Variants in XKR6 observed in about 807,000 individuals in gnomAD.
The protein encoded by XKR6 is XK related 6.
Under a neutral mutation model 56.7 loss-of-function variants are expected in XKR6, and 22 were observed. That is an observed-to-expected ratio of 0.39 (90% CI 0.28 to 0.55). XKR6 has a LOEUF of 0.55. Among genes scored for constraint, XKR6 ranks in the 20% least tolerant of loss-of-function variants. The probability of loss-of-function intolerance (pLI) is 0.66; values close to 1 mark genes in which losing one functional copy is unlikely to be tolerated. For missense variants in XKR6, 852 were observed against 889.0 expected (o/e 0.96, Z 0.53); for synonymous variants, 524 against 387.8 (o/e 1.35, Z -4.13).
chr8:10,924,662 G>A lies in XKR6; in HGVS notation c.933C>T (p.Leu311=), dbSNP rs982562203. 5 of 1,611,050 alleles carry A rather than the reference G, an allele frequency of 3.1e-6. No individual in the cohort carries two copies. Among genetic ancestry groups the A allele is most frequent in the Non-Finnish European group, 4.2e-6 (5 of 1,178,626 alleles). ...PQLVLQLYIM[L]QKNSAETLPC... is the part of the protein sequence containing the mutation. Reference sequence around the variant, plus strand: ...GCAGGGTCTCGGCGCTGTTCTTCTGGAGCATGATGTAGAGCTGTAGCACCA... The same window carrying A: ...GCAGGGTCTCGGCGCTGTTCTTCTGAAGCATGATGTAGAGCTGTAGCACCA... The change falls in exon 2 of 3, where the codon CTC becomes CTT. Residue 311 remains leucine (L), a synonymous_variant. Coordinates refer to ENST00000416569, the MANE Select transcript of XKR6 (RefSeq NM_173683.4).
At chr8:11,148,324 C>CA (rs1801096578) in intron 1 of XKR6, among the ~76,000 whole-genome samples, 1 of 152,174 alleles carries the variant, frequency 6.6e-6, no homozygotes, top group Non-Finnish European at 1.5e-5. Flanking sequence ...CAGAAAGTGA[C>CA]ACGGGATGTG....
chr8:11,110,863 G>A (rs960043567), intron 1 of XKR6, among the ~76,000 whole-genome samples: 1 of 151,664 alleles, frequency 6.6e-6, no homozygotes, highest in Non-Finnish European at 1.5e-5. Flanking sequence ...TTGAGGCGGA[G>A]TCTTGCTCTG....
intron 1 of XKR6, among the ~76,000 whole-genome samples, chr8:11,024,682 C>A (rs1286953104): frequency 6.6e-6 from 1 of 152,234 alleles, no homozygotes; most frequent in South Asian, 2.1e-4. Flanking sequence ...CACATTTCCA[C>A]CATCTGTTGA....
rs573899926 is a variant in XKR6, at chr8:10,986,320, A to T, written c.765-61490T>A. Among the ~76,000 whole-genome samples, 3 of 152,352 alleles carry T rather than the reference A, an allele frequency of 2.0e-5. No homozygotes were observed. In the East Asian group the frequency reaches 5.8e-4, roughly 29 times the overall value. ...ATGTAAACATAAAATGAAATGACAG[A>T]ATTAGAAAATAAATAGAAGAATATC... On this transcript the variant is annotated intron_variant, in intron 1 of 2. Transcript: ENST00000416569.
intron 1 of XKR6, among the ~76,000 whole-genome samples, chr8:11,007,425 G>T (rs1453705630): frequency 6.6e-6 from 1 of 152,176 alleles, no homozygotes; most frequent in Non-Finnish European, 1.5e-5. Context: ...GGGTCTCAAG[G>T]ATCATCTGAT....
chr8:10,964,571 C>G (rs540969086), intron 1 of XKR6, among the ~76,000 whole-genome samples: 1 of 152,296 alleles, frequency 6.6e-6, no homozygotes, highest in Non-Finnish European at 1.5e-5. Context: ...CTTAATGGGG[C>G]ATTTGGACAA....
rs190976901 is a variant in XKR6, at chr8:11,063,888, A to G, written c.764+136688T>C. 7.2e-5 allele frequency among the ~76,000 whole-genome samples: 11 copies of G among 152,270 alleles called. No homozygotes were observed. The East Asian group carries it at 2.1e-3, about 29-fold the overall frequency. On this transcript the variant is annotated intron_variant, in intron 1 of 2. Transcript: ENST00000416569. ...ACTGGGATTTAACTGATGGCCCCAG[A>G]ATGCATCTCTTTCTCTTTGAACTTT... is the stretch of plus-strand genomic sequence containing the variant.
intron 1 of XKR6, among the ~76,000 whole-genome samples, chr8:11,117,668 C>T (rs976638527): frequency 2.0e-5 from 3 of 151,960 alleles, no homozygotes; most frequent in Admixed American, 2.0e-4. Flanking sequence ...ACATGAAGAA[C>T]TTTAATTATG....
chr8:11,119,638 T>A (rs1799350864), intron 1 of XKR6, among the ~76,000 whole-genome samples: 1 of 152,240 alleles, frequency 6.6e-6, no homozygotes, highest in African/African-American at 2.4e-5. Context: ...CCCTGCCTTT[T>A]TTTTGTTTTC....
Position 11,177,680 on chromosome 8 carries a change from G to T in XKR6, c.764+22896C>A, listed in dbSNP as rs147691278. ...ACCAGTGACAGCAGAGGTAGATGCT[G>T]AGGTTAGACGGCTGCAAGCCAGGAA... On this transcript the variant is annotated intron_variant, in intron 1 of 2. Transcript: ENST00000416569. Among the ~76,000 whole-genome samples the T allele has an allele frequency of 5.9e-5, 9 of 152,346 alleles. No homozygotes were observed. The East Asian group carries it at 1.7e-3, about 29-fold the overall frequency.
intron 1 of XKR6, among the ~76,000 whole-genome samples, chr8:11,198,510 A>C (rs1804015069): frequency 7.4e-6 from 1 of 135,004 alleles, no homozygotes; most frequent in African/African-American, 2.7e-5. Context: ...AGGAAAGTTA[A>C]GATCAGAAAA....
intron 1 of XKR6, among the ~76,000 whole-genome samples, chr8:10,937,836 G>A (rs1371392782): frequency 6.6e-6 from 1 of 151,962 alleles, no homozygotes; most frequent in Non-Finnish European, 1.5e-5. Flanking sequence ...AGTCTGCAGA[G>A]ATTACTGCTG....
intron 1 of XKR6, among the ~76,000 whole-genome samples, chr8:11,174,531 C>A (rs1477763210): frequency 2.0e-5 from 3 of 152,252 alleles, no homozygotes; most frequent in African/African-American, 7.2e-5. Flanking sequence ...CTAGTAGTTA[C>A]TCAAACAGAT....
At chr8:10,995,511 TATACACACACACAC>T (rs1292832987) in intron 1 of XKR6, among the ~76,000 whole-genome samples, 27 of 129,956 alleles carry the variant, frequency 2.1e-4, no homozygotes, top group Admixed American at 3.8e-4. Flanking sequence ...CACACACACA[TATACACACACACAC>T]ATATATATAT....
chr8:10,998,543 G>A (rs1442543450), intron 1 of XKR6, among the ~76,000 whole-genome samples: 1 of 152,162 alleles, frequency 6.6e-6, no homozygotes, highest in Non-Finnish European at 1.5e-5. Context: ...GATTTATTAG[G>A]AGTGGTAGAG....
intron 1 of XKR6, among the ~76,000 whole-genome samples, chr8:10,989,213 A>C (rs961841501): frequency 1.3e-5 from 2 of 152,240 alleles, no homozygotes; most frequent in Admixed American, 1.3e-4. Flanking sequence ...TGGTTGAATA[A>C]AAGACCTATT....
At chr8:11,106,308 A>C (rs1586552206) in intron 1 of XKR6, 1 of 127,614 alleles carries the variant, frequency 7.8e-6, no homozygotes, top group Admixed American at 7.3e-5. Context: ...TTTTACTGGC[A>C]TCTGGGGGTC....
chr8:10,941,698 C>T (rs1801390855), intron 1 of XKR6, among the ~76,000 whole-genome samples: 1 of 152,214 alleles, frequency 6.6e-6, no homozygotes, highest in Admixed American at 6.5e-5. Context: ...GTCTGTGTGG[C>T]TACGTGGCCT....
chr8:11,017,409 G>A (rs10087512), intron 1 of XKR6, among the ~76,000 whole-genome samples: 3,591 of 152,328 alleles, frequency 0.024, 133 homozygotes, highest in African/African-American at 0.081. Flanking sequence ...TTAAATCCCT[G>A]GAACTAACCA....
Sources: gnomAD v4.1 joint callset for allele counts (sites outside exome capture counted in the v4.1 genomes callset) on GRCh38, gnomAD v4.1.1 for gene constraint, MANE v1.5 for transcripts, NCBI Gene and HGNC (gene_info 2026-07-23, HGNC 2026-07-21) for gene names.